Variants in APBA1 observed in about 807,000 individuals in gnomAD.
The protein encoded by APBA1 is amyloid-beta A4 precursor protein-binding family A member 1.
A neutral mutation model predicts 86.6 loss-of-function variants in APBA1; 55 were observed. The observed-to-expected ratio is 0.64, with a 90% confidence interval of 0.51 to 0.80. The LOEUF is 0.80. Ranked by LOEUF, APBA1 falls within the 30% of genes least tolerant of loss-of-function variation. The pLI is 0.00. For missense variants in APBA1, 1,090 were observed against 1,183.0 expected, an observed-to-expected ratio of 0.92 and a Z score of 1.15; for synonymous variants, 511 against 493.9, an observed-to-expected ratio of 1.03 and a Z score of -0.46.
intron 1 of APBA1, among the ~76,000 whole-genome samples, chr9:69,551,104 G>GA (rs1200047784): frequency 2.6e-5 from 4 of 152,104 alleles, no homozygotes; most frequent in Admixed American, 2.6e-4. Flanking sequence ...TTTGGGACAA[G>GA]AAAAAATCTG....
At chr9:69,581,050 C>T (rs1288701532) in intron 1 of APBA1, among the ~76,000 whole-genome samples, 1 of 152,110 alleles carries the variant, frequency 6.6e-6, no homozygotes, top group African/African-American at 2.4e-5. Flanking sequence ...TCAAAGATGG[C>T]CCCAATCAGA....
At chr9:69,669,800 T>A (rs1188328384) in intron 1 of APBA1, among the ~76,000 whole-genome samples, 7 of 152,164 alleles carry the variant, frequency 4.6e-5, no homozygotes, top group Admixed American at 4.6e-4. Flanking sequence ...ATAAAAATGA[T>A]CACATTTACA....
intron 1 of APBA1, among the ~76,000 whole-genome samples, chr9:69,560,135 A>G (rs1361555176): frequency 6.6e-6 from 1 of 151,950 alleles, no homozygotes; most frequent in Non-Finnish European, 1.5e-5. Flanking sequence ...AACACAAGGG[A>G]CTCTCCAAAT....
chr9:69,573,679 C>T (rs1264912095), intron 1 of APBA1, among the ~76,000 whole-genome samples: 9 of 152,302 alleles, frequency 5.9e-5, no homozygotes, highest in Admixed American at 2.6e-4. Context: ...CCCTGCAAAA[C>T]GGTATTCTTG....
chr9:69,569,225 C>T (rs1358239684), intron 1 of APBA1, among the ~76,000 whole-genome samples: 1 of 152,206 alleles, frequency 6.6e-6, no homozygotes, highest in Non-Finnish European at 1.5e-5. Context: ...CCAACACACA[C>T]ACCCCACCCC....
intron 11 of APBA1, among the ~76,000 whole-genome samples, chr9:69,440,272 A>C (rs1424277879): frequency 1.3e-5 from 2 of 152,108 alleles, no homozygotes; most frequent in Non-Finnish European, 1.5e-5. Context: ...CTCAGATCTC[A>C]AGCTGTGTGC....
chr9:69,618,797 A>G (rs1421821323), intron 1 of APBA1, among the ~76,000 whole-genome samples: 1 of 152,238 alleles, frequency 6.6e-6, no homozygotes, highest in Non-Finnish European at 1.5e-5. Context: ...CTTTGTTTTT[A>G]AAGATACATT....
At chr9:69,577,593 G>A (rs369916156) in intron 1 of APBA1, among the ~76,000 whole-genome samples, 1 of 152,264 alleles carries the variant, frequency 6.6e-6, no homozygotes, top group Non-Finnish European at 1.5e-5. Flanking sequence ...TGGGTCAGCT[G>A]TGAGTGAAGA....
intron 2 of APBA1, among the ~76,000 whole-genome samples, chr9:69,490,226 A>G (rs1835684413): frequency 6.6e-6 from 1 of 152,042 alleles, no homozygotes; most frequent in African/African-American, 2.4e-5. Context: ...TCGCAAGGAC[A>G]AAAAACCAAA....
chr9:69,540,160 A>C (rs866284042), intron 1 of APBA1, among the ~76,000 whole-genome samples: 16 of 151,974 alleles, frequency 1.1e-4, no homozygotes, highest in African/African-American at 3.6e-4. Context: ...CAACAACAAA[A>C]GTCACCTTAT....
At chr9:69,528,383 T>C (rs1057410917) in intron 1 of APBA1, among the ~76,000 whole-genome samples, 20 of 152,060 alleles carry the variant, frequency 1.3e-4, no homozygotes, top group Admixed American at 6.6e-5. Context: ...ACTTTAACAA[T>C]CCAATCATTC....
At chr9:69,458,808 C>CTTTTT (rs533176322) in intron 5 of APBA1, among the ~76,000 whole-genome samples, 2 of 140,490 alleles carry the variant, frequency 1.4e-5, no homozygotes, top group Non-Finnish European at 3.1e-5. Context: ...CTTTTCTTTT[C>CTTTTT]TTTTTTTTTT....
At chr9:69,476,580 A>T (rs959185046) in intron 2 of APBA1, among the ~76,000 whole-genome samples, 14 of 152,348 alleles carry the variant, frequency 9.2e-5, no homozygotes, top group African/African-American at 3.4e-4. Flanking sequence ...ACACATTTTT[A>T]AAGAGGTAGC....
At chr9:69,460,026 G>A (rs576306371) in intron 5 of APBA1, among the ~76,000 whole-genome samples, 1 of 152,354 alleles carries the variant, frequency 6.6e-6, no homozygotes, top group East Asian at 1.9e-4. Flanking sequence ...GGTGGAGGAA[G>A]AACTGCTCTC....
chr9:69,672,521 T>C (rs7862740), upstream of APBA1, among the ~76,000 whole-genome samples: 1 of 146,698 alleles, frequency 6.8e-6, no homozygotes, highest in East Asian at 2.0e-4. Flanking sequence ...CCTGCCTCCC[T>C]CGCCCACTCG....
intron 1 of APBA1, among the ~76,000 whole-genome samples, chr9:69,577,064 T>G (rs946166744): frequency 6.6e-6 from 1 of 152,200 alleles, no homozygotes; most frequent in Non-Finnish European, 1.5e-5. Context: ...GTATAAAGTA[T>G]AGTGATCAGA....
chr9:69,583,812 C>G (rs757218282), intron 1 of APBA1, among the ~76,000 whole-genome samples: 3 of 152,154 alleles, frequency 2.0e-5, no homozygotes, highest in Admixed American at 6.5e-5. Flanking sequence ...GTAGCATGCA[C>G]GAGCCAGCTG....
At chr9:69,498,679 G>C (rs1191667453) in intron 2 of APBA1, among the ~76,000 whole-genome samples, 1 of 152,046 alleles carries the variant, frequency 6.6e-6, no homozygotes, top group Non-Finnish European at 1.5e-5. Context: ...TCTATAGAAG[G>C]ATCTAACAAC....
At chr9:69,463,192 G>A (rs557082179) in intron 5 of APBA1, 1 of 152,224 alleles carries the variant, frequency 6.6e-6, no homozygotes, top group South Asian at 2.1e-4. Context: ...AAATTTCAGA[G>A]CCCTCAGCTT....
Sources: gnomAD v4.1 joint callset for allele counts (sites outside exome capture counted in the v4.1 genomes callset) on GRCh38, gnomAD v4.1.1 for gene constraint, MANE v1.5 for transcripts, NCBI Gene and HGNC (gene_info 2026-07-23, HGNC 2026-07-21) for gene names.